Variants in NCKAP1 observed in about 807,000 individuals in gnomAD.
NCKAP1 encodes the protein nck-associated protein 1.
In NCKAP1, 21 loss-of-function variants were observed where a neutral mutation model predicts 151.2. The observed-to-expected ratio is 0.14, with a 90% CI of 0.10 to 0.20. The LOEUF (loss-of-function observed/expected upper bound fraction) is 0.20. Among genes scored for constraint, NCKAP1 ranks in the 10% least tolerant of loss-of-function variants. The pLI, the probability that NCKAP1 is intolerant of heterozygous loss-of-function variation, is 1.00. For missense variants in NCKAP1, 933 were observed against 1,352.1 expected, an observed-to-expected ratio of 0.69 and a Z score of 4.86; for synonymous variants, 484 against 451.8, an observed-to-expected ratio of 1.07 and a Z score of -0.90.
chr2:183,003,556 C>A (rs976156309), intron 2 of NCKAP1, among the ~76,000 whole-genome samples: 1 of 151,758 alleles, frequency 6.6e-6, no homozygotes, highest in African/African-American at 2.4e-5. Flanking sequence ...TACCAAATTG[C>A]GCTACTATTA....
intron 8 of NCKAP1, among the ~76,000 whole-genome samples, chr2:182,990,776 C>T (rs575469314): frequency 2.0e-5 from 3 of 152,280 alleles, no homozygotes; most frequent in East Asian, 3.9e-4. Flanking sequence ...ATAAAACTTG[C>T]CATTTATCTT....
intron 17 of NCKAP1, among the ~76,000 whole-genome samples, chr2:182,963,609 G>A (rs72886583): frequency 0.01 from 1,560 of 152,154 alleles, 13 homozygotes; most frequent in Non-Finnish European, 0.018. Flanking sequence ...GAAGAGTATC[G>A]TAAATCTGAA....
At chr2:183,012,499 C>G (rs1208884261) in intron 2 of NCKAP1, among the ~76,000 whole-genome samples, 1 of 152,148 alleles carries the variant, frequency 6.6e-6, no homozygotes, top group Non-Finnish European at 1.5e-5. Context: ...GAGGTGGCAT[C>G]ACTGGGAGAA....
intron 26 of NCKAP1, among the ~76,000 whole-genome samples, chr2:182,933,243 A>G (rs1403939952): frequency 2.0e-5 from 3 of 152,200 alleles, no homozygotes; most frequent in Non-Finnish European, 4.4e-5. Context: ...ATTAGAAGGT[A>G]AAACAGATAG....
chr2:182,994,578 G>T (rs1281681672), intron 8 of NCKAP1, among the ~76,000 whole-genome samples: 1 of 151,890 alleles, frequency 6.6e-6, no homozygotes, highest in Non-Finnish European at 1.5e-5. Flanking sequence ...GGCGGAGGTT[G>T]CAGTGAGCCG....
At position 182,956,451 on chromosome 2, in the gene NCKAP1, T is replaced by G; in HGVS notation, c.2153+11A>C. The stretch of plus-strand genomic sequence containing the variant: ...AGTCAACAAACAAAAACAGTCAATA[T>G]TCTTTCTTACTTGGTAAAGCGTATT... On this transcript the variant is annotated intron_variant, in intron 20 of 30. Transcript: ENST00000361354. 1 of 1,607,850 alleles carries G rather than the reference T, an allele frequency of 6.2e-7. No individual in the cohort carries two copies. Among genetic ancestry groups the G allele is most frequent in the South Asian group, 1.1e-5 (1 of 89,156 alleles).
In NCKAP1 at chr2:182,982,940, A is replaced by T. The variant is rs1373035919; in HGVS notation, c.1102-13T>A. On this transcript the variant is annotated splice_polypyrimidine_tract_variant and intron_variant, in intron 11 of 30. Transcript: ENST00000361354. ...AAACAAAAAGTGCCTGTTTAAAAAA[A>T]AGTAAGTGTTTATTCTTATTCAAAG... 6.4e-7 allele frequency: 1 copy of T among 1,565,692 alleles called. No homozygotes were observed. Among genetic ancestry groups the T allele is most frequent in the Non-Finnish European group, 8.7e-7 (1 of 1,153,008 alleles).
At position 182,942,162 on chromosome 2, in the gene NCKAP1, T is replaced by A; in HGVS notation, c.2603A>T (p.Lys868Ile). The change falls in exon 24 of 31, where the codon AAA (lysine) becomes ATA (isoleucine). Residue 868 changes from lysine to isoleucine, a missense_variant and splice_region_variant. Physicochemically the swap from Lys to Ile is moderately radical, Grantham distance 102. Coordinates refer to ENST00000361354, the MANE Select transcript of NCKAP1 (RefSeq NM_013436.5). ...HISSQVAELK[K>I]LVVENVDVLT... is the part of the protein sequence containing the mutation. Reference sequence around the variant, plus strand: ...CACATCAACATTCTCCACCACAAGTTTCTAAAAAAAAAAGAAAGATCCTAG... The same window carrying A: ...CACATCAACATTCTCCACCACAAGTATCTAAAAAAAAAAGAAAGATCCTAG... The A allele has an allele frequency of 6.2e-7, 1 of 1,609,136 alleles. No homozygotes were observed. The highest frequency in any genetic ancestry group is 2.2e-5 in the East Asian group (1 of 44,818).
intron 12 of NCKAP1, among the ~76,000 whole-genome samples, chr2:182,982,149 GTAAA>G (rs1269703132): frequency 6.6e-6 from 1 of 151,910 alleles, no homozygotes; most frequent in Admixed American, 6.6e-5. Context: ...GTTTTGTGTA[GTAAA>G]TAGTTTTAAA....
At chr2:182,943,574 T>C (rs958099278) in intron 23 of NCKAP1, among the ~76,000 whole-genome samples, 2 of 152,010 alleles carry the variant, frequency 1.3e-5, no homozygotes, top group Admixed American at 6.6e-5. Flanking sequence ...ACTTTAAACA[T>C]CGTATCACAT....
At chr2:182,927,136 G>T in intron 29 of NCKAP1, 2 of 367,170 alleles carry the variant, frequency 5.4e-6, no homozygotes, top group Non-Finnish European at 9.7e-6. Context: ...ATTCTTATTG[G>T]TCTTTAAAAC....
intron 2 of NCKAP1, among the ~76,000 whole-genome samples, chr2:183,008,227 C>T (rs1359357769): frequency 1.3e-5 from 2 of 152,172 alleles, no homozygotes; most frequent in Non-Finnish European, 2.9e-5. Flanking sequence ...CACGCCCAGC[C>T]ACAGTGAACA....
Position 182,915,901 on chromosome 2 carries a change from G to A in NCKAP1, c.*9801C>T, listed in dbSNP as rs1030787028. 1.3e-5 allele frequency: 2 copies of A among 151,898 alleles called. No homozygotes were observed. The highest frequency in any genetic ancestry group is 2.9e-5 in the Non-Finnish European group (2 of 67,940). The allele number at this position is 151,898 out of a possible 1,614,324, so 9.4% of individuals were successfully genotyped here. On this transcript the variant is annotated 3_prime_UTR_variant, in exon 31 of 31. Transcript: ENST00000361354. ...TTTCAGATTTAAAAATAATTTTTTT[G>A]CTACGTGGAATGCCTTTTTGATCTA...
chr2:183,002,403 C>A, intron 4 of NCKAP1, 134 bp from the exon 5 acceptor site: 1 of 627,190 alleles, frequency 1.6e-6, no homozygotes, highest in Non-Finnish European at 2.5e-6. Context: ...AATGCTAATT[C>A]CTTTCACTAA....
chr2:182,952,083 T>A (rs1697228142), intron 23 of NCKAP1, among the ~76,000 whole-genome samples: 1 of 152,230 alleles, frequency 6.6e-6, no homozygotes, highest in South Asian at 2.1e-4. Context: ...TAACTTTGGC[T>A]GGAATTTTGA....
At position 182,990,805 on chromosome 2, in the gene NCKAP1, T is replaced by C. The variant is rs554511606; in HGVS notation, c.791-1619A>G. 5.9e-5 allele frequency among the ~76,000 whole-genome samples: 9 copies of C among 152,328 alleles called. No homozygotes were observed. The South Asian group carries it at 1.5e-3, about 25-fold the overall frequency. On this transcript the variant is annotated intron_variant, in intron 8 of 30. Transcript: ENST00000361354. ...TTATCTTTTGATTCTTAGCTCAAGC[T>C]TCCTTCTTGGGTCACTAGAGAAGCA...
chr2:182,956,486 G>A lies in NCKAP1; in HGVS notation c.2129C>T (p.Ser710Phe). The A allele has an allele frequency of 6.2e-7, 1 of 1,610,882 alleles. No individual in the cohort carries two copies. Among genetic ancestry groups the A allele is most frequent in the South Asian group, 1.1e-5 (1 of 89,982 alleles). Residue 710 changes from serine to phenylalanine, a missense_variant, in exon 20 of 31, where the codon TCT becomes TTT. Physicochemically the swap from Ser to Phe is radical, Grantham distance 155. Transcript: ENST00000361354. ...HTFTPREYLTSHLEIRFTKSI... is the reference protein window; with the variant it reads ...HTFTPREYLTFHLEIRFTKSI... The stretch of plus-strand genomic sequence containing the variant: ...CTTGGTAAAGCGTATTTCCAGATGA[G>A]AAGTCAAATATTCTCGTGGGGTAAA...
chr2:182,999,455 T>C (rs1011245681), intron 6 of NCKAP1, among the ~76,000 whole-genome samples: 1 of 152,102 alleles, frequency 6.6e-6, no homozygotes, highest in Non-Finnish European at 1.5e-5. Context: ...TGGGATACCA[T>C]CTTACACCAG....
chr2:182,921,118 C>T lies in NCKAP1; in HGVS notation c.*4584G>A, dbSNP rs1054708961. ...AATAAATATAATTTGGTTGCAACCTCGTAAGTTGCTTCCTGTTCTATAATT... is the reference window on the plus strand; with the variant it reads ...AATAAATATAATTTGGTTGCAACCTTGTAAGTTGCTTCCTGTTCTATAATT... On this transcript the variant is annotated 3_prime_UTR_variant, in exon 31 of 31. Coordinates refer to ENST00000361354, the MANE Select transcript of NCKAP1 (RefSeq NM_013436.5). The T allele has an allele frequency of 3.8e-4, 57 of 151,944 alleles. 1 individual carries two copies. The highest frequency in any genetic ancestry group is 1.4e-3 in the African/African-American group (57 of 41,292). The allele number at this position is 151,944 out of a possible 1,614,324, so 9.4% of individuals were successfully genotyped here.
Sources: allele counts gnomAD v4.1 joint callset (sites outside exome capture counted in the v4.1 genomes callset), GRCh38; gene constraint gnomAD v4.1.1; transcripts MANE v1.5; gene names NCBI Gene and HGNC (gene_info 2026-07-23, HGNC 2026-07-21).